HNRNPC: variants seen among roughly 807,000 people sequenced by gnomAD.
HNRNPC encodes heterogeneous nuclear ribonucleoproteins C1/C2.
A neutral mutation model predicts 33.2 loss-of-function variants in HNRNPC; 3 were observed. That is an observed-to-expected ratio of 0.09 (90% CI 0.04 to 0.23). The LOEUF is 0.23. Ranked by LOEUF, HNRNPC falls within the 10% of genes least tolerant of loss-of-function variation. The pLI is 1.00. For missense variants in HNRNPC, 143 were observed against 366.7 expected, an observed-to-expected ratio of 0.39 and a Z score of 4.98; for synonymous variants, 121 against 126.7, an observed-to-expected ratio of 0.96 and a Z score of 0.30.
chr14:21,242,943 G>T (rs942060337), intron 2 of HNRNPC, among the ~76,000 whole-genome samples: 2 of 152,050 alleles, frequency 1.3e-5, no homozygotes, highest in African/African-American at 4.8e-5. Context: ...TGGCCAATGT[G>T]GTGAAACCCC....
intron 2 of HNRNPC, among the ~76,000 whole-genome samples, chr14:21,254,361 A>G (rs1387206487): frequency 6.6e-6 from 1 of 152,192 alleles, no homozygotes. Context: ...TAAGCTATTC[A>G]GGTTAAATTT....
chr14:21,223,006 C>A (rs1157210969), intron 5 of HNRNPC, among the ~76,000 whole-genome samples: 2 of 152,082 alleles, frequency 1.3e-5, no homozygotes, highest in Non-Finnish European at 2.9e-5. Context: ...CGAGACTAGC[C>A]TGCCCAACAC....
chr14:21,258,684 ACT>A (rs1371995171), intron 2 of HNRNPC, among the ~76,000 whole-genome samples: 1 of 152,212 alleles, frequency 6.6e-6, no homozygotes, highest in Non-Finnish European at 1.5e-5. Flanking sequence ...ATGTCCTGCT[ACT>A]TTTTTCTGCC....
chr14:21,243,415 G>C (rs1000764544), intron 2 of HNRNPC, among the ~76,000 whole-genome samples: 2 of 152,008 alleles, frequency 1.3e-5, no homozygotes, highest in Non-Finnish European at 2.9e-5. Flanking sequence ...ACACAGGAAT[G>C]GTTTATTCTA....
rs1891404684 is a variant in HNRNPC, at chr14:21,209,431, C to G, written c.*1792G>C. 1 of 151,766 alleles carries G rather than the reference C, an allele frequency of 6.6e-6. No individual in the cohort carries two copies. Among genetic ancestry groups the G allele is most frequent in the Non-Finnish European group, 1.5e-5 (1 of 68,018 alleles). The allele number at this position is 151,766 out of a possible 1,614,324, so 9.4% of individuals were successfully genotyped here. ...GCATCTTATACATCTGACACTCTCT[C>G]CTAAGCATCCAGTTTATTTTCTAGT... On this transcript the variant is annotated 3_prime_UTR_variant, in exon 9 of 9. Coordinates refer to ENST00000553300, the MANE Select transcript of HNRNPC (RefSeq NM_004500.4).
chr14:21,244,668 T>C (rs1454710502), intron 2 of HNRNPC, among the ~76,000 whole-genome samples: 1 of 152,250 alleles, frequency 6.6e-6, no homozygotes, highest in Admixed American at 6.5e-5. Context: ...GAGAATTGTA[T>C]CGTTATGCAA....
chr14:21,248,887 G>A (rs1896299046), intron 2 of HNRNPC, among the ~76,000 whole-genome samples: 1 of 151,954 alleles, frequency 6.6e-6, no homozygotes, highest in Admixed American at 6.6e-5. Flanking sequence ...CAATGGTGTG[G>A]ACACATTAAC....
intron 5 of HNRNPC, among the ~76,000 whole-genome samples, chr14:21,226,840 A>G (rs1893496029): frequency 1.6e-5 from 2 of 128,810 alleles, no homozygotes; most frequent in Non-Finnish European, 3.1e-5. Context: ...AGACCAACCC[A>G]CTGCACTCCA....
At chr14:21,259,767 A>G (rs1877851641) in intron 2 of HNRNPC, among the ~76,000 whole-genome samples, 1 of 151,492 alleles carries the variant, frequency 6.6e-6, no homozygotes, top group South Asian at 2.1e-4. Flanking sequence ...CCTACTTCCA[A>G]TCTCATTTCC....
intron 2 of HNRNPC, among the ~76,000 whole-genome samples, chr14:21,251,962 T>C (rs182153772): frequency 6.6e-6 from 1 of 152,186 alleles, no homozygotes; most frequent in Non-Finnish European, 1.5e-5. Context: ...AACAAAATAA[T>C]AACCTAGCAG....
chr14:21,228,503 T>C (rs1893728631), intron 5 of HNRNPC, among the ~76,000 whole-genome samples: 1 of 152,108 alleles, frequency 6.6e-6, no homozygotes, highest in Non-Finnish European at 1.5e-5. Context: ...GCAATTCTCC[T>C]ACATCATCCT....
In HNRNPC at chr14:21,227,778, A is replaced by AT. The variant is rs1024235800; in HGVS notation, c.365+2540dup. On this transcript the variant is annotated intron_variant, in intron 5 of 8. Coordinates refer to ENST00000553300, the MANE Select transcript of HNRNPC (RefSeq NM_004500.4). ...AAGAAAAGACTTTTTAATGAGAACTATTTTCAAGAAGACTGTCACTGTATA... is the reference window on the plus strand; with the variant it reads ...AAGAAAAGACTTTTTAATGAGAACTATTTTTCAAGAAGACTGTCACTGTATA... 1.6e-4 allele frequency among the ~76,000 whole-genome samples: 24 copies of AT among 152,190 alleles called. 1 individual carries two copies. Among genetic ancestry groups the AT allele is most frequent in the African/African-American group, 4.6e-4 (19 of 41,442 alleles).
intron 2 of HNRNPC, among the ~76,000 whole-genome samples, chr14:21,253,985 A>G (rs1896954592): frequency 1.3e-5 from 2 of 150,712 alleles, no homozygotes; most frequent in African/African-American, 2.4e-5. Context: ...GGAGAATGGC[A>G]TGAACCCGGG....
intron 2 of HNRNPC, among the ~76,000 whole-genome samples, chr14:21,258,282 C>G (rs2065095): frequency 0.16 from 24,185 of 151,820 alleles, 2,200 homozygotes; most frequent in Admixed American, 0.24. Flanking sequence ...CCCAGCTACT[C>G]AGGAGGCGGA....
At chr14:21,247,479 T>C (rs973421476) in intron 2 of HNRNPC, among the ~76,000 whole-genome samples, 2 of 152,242 alleles carry the variant, frequency 1.3e-5, no homozygotes, top group Non-Finnish European at 2.9e-5. Flanking sequence ...GAAGCTGTCC[T>C]ACATTATTTT....
At chr14:21,256,277 CTCTACTAAAAATAAAAAACA>C (rs553996756) in intron 2 of HNRNPC, among the ~76,000 whole-genome samples, 2 of 152,170 alleles carry the variant, frequency 1.3e-5, no homozygotes, top group South Asian at 4.2e-4. Flanking sequence ...GCAACCCTGT[CTCTACTAAAAATAAAAAACA>C]AATTAGCTGG....
intron 2 of HNRNPC, among the ~76,000 whole-genome samples, chr14:21,245,857 AG>A (rs1158526667): frequency 6.6e-6 from 1 of 151,826 alleles, no homozygotes; most frequent in Non-Finnish European, 1.5e-5. Flanking sequence ...TTTACTTTTT[AG>A]TTTTTTTTGA....
intron 2 of HNRNPC, among the ~76,000 whole-genome samples, chr14:21,258,908 T>A (rs1213738771): frequency 1.3e-5 from 2 of 152,150 alleles, no homozygotes; most frequent in Non-Finnish European, 2.9e-5. Context: ...CTCTAATAGG[T>A]CTCCAAACTT....
chr14:21,226,725 C>A (rs1893483060), intron 5 of HNRNPC, among the ~76,000 whole-genome samples: 1 of 151,740 alleles, frequency 6.6e-6, no homozygotes. Context: ...ACTGAAAATA[C>A]AAAAATTAGT....
Sources: allele counts gnomAD v4.1 joint callset (sites outside exome capture counted in the v4.1 genomes callset), GRCh38; gene constraint gnomAD v4.1.1; transcripts MANE v1.5; gene names NCBI Gene and HGNC (gene_info 2026-07-23, HGNC 2026-07-21).